ABCC4: variants seen among roughly 807,000 people sequenced by gnomAD.
ABCC4 encodes the protein ATP binding cassette subfamily C member 4 (PEL blood group).
ABCC4 carries 102 observed loss-of-function variants against 168.5 expected under a neutral mutation model. That is an observed-to-expected ratio of 0.61 (90% CI 0.52 to 0.71). ABCC4 has a LOEUF of 0.71. Among genes scored for constraint, ABCC4 ranks in the 30% least tolerant of loss-of-function variants. The pLI is 0.00. For synonymous variants in ABCC4, 617 were observed against 590.7 expected (o/e 1.04, Z -0.65); for missense variants, 1,402 against 1,605.8 (o/e 0.87, Z 2.17).
chr13:95,121,436 T>TG lies in ABCC4; in HGVS notation c.2456-5436_2456-5435insC, dbSNP rs544696926. Among the ~76,000 whole-genome samples the TG allele has an allele frequency of 5.7e-3, 869 of 151,344 alleles. 6 individuals are homozygous for TG. The highest frequency in any genetic ancestry group is 8.1e-3 in the Non-Finnish European group (551 of 67,816). On this transcript the variant is annotated intron_variant, in intron 19 of 30. Transcript: ENST00000645237. ...ACTTTATGGGGTTTTTTTTTGTTTT[T>TG]TTTTTTTTGAGAAAAGGTCTCACTC...
At chr13:95,280,812 G>A (rs981643777) in intron 1 of ABCC4, among the ~76,000 whole-genome samples, 1 of 151,988 alleles carries the variant, frequency 6.6e-6, no homozygotes, top group Non-Finnish European at 1.5e-5. Context: ...TATTTTCTGG[G>A]CAAACTTAGC....
intron 1 of ABCC4, among the ~76,000 whole-genome samples, chr13:95,257,458 A>G (rs944982705): frequency 2.0e-5 from 3 of 152,174 alleles, no homozygotes; most frequent in Non-Finnish European, 4.4e-5. Context: ...ACTTGGGGTC[A>G]GGAGTTCAAG....
intron 19 of ABCC4, among the ~76,000 whole-genome samples, chr13:95,153,784 T>C (rs1293575277): frequency 6.6e-6 from 1 of 152,178 alleles, no homozygotes; most frequent in Non-Finnish European, 1.5e-5. Context: ...ATTTACCAGC[T>C]GTAGACAAGT....
chr13:95,060,704 T>A (rs1324716236), intron 26 of ABCC4, among the ~76,000 whole-genome samples: 1 of 152,252 alleles, frequency 6.6e-6, no homozygotes, highest in Non-Finnish European at 1.5e-5. Context: ...AGGGATACTT[T>A]TTTTTCTTTA....
intron 20 of ABCC4, among the ~76,000 whole-genome samples, chr13:95,115,280 T>G (rs923921321): frequency 6.6e-6 from 1 of 151,282 alleles, no homozygotes; most frequent in Non-Finnish European, 1.5e-5. Context: ...TTGGTTTTTT[T>G]TTTTTAAAGA....
chr13:95,277,634 C>G (rs4771910), intron 1 of ABCC4, among the ~76,000 whole-genome samples: 2 of 150,808 alleles, frequency 1.3e-5, no homozygotes, highest in African/African-American at 2.4e-5. Context: ...TGAATGGGGG[C>G]GTTTACTCTA....
At chr13:95,105,233 G>A (rs1290781887) in intron 20 of ABCC4, among the ~76,000 whole-genome samples, 2 of 151,968 alleles carry the variant, frequency 1.3e-5, no homozygotes, top group Non-Finnish European at 2.9e-5. Flanking sequence ...ATCTAATGCC[G>A]CCGACGATCT....
intron 20 of ABCC4, among the ~76,000 whole-genome samples, chr13:95,111,622 C>A (rs2035208218): frequency 6.6e-6 from 1 of 152,100 alleles, no homozygotes; most frequent in Admixed American, 6.6e-5. Flanking sequence ...CAAATGACAC[C>A]CACTTTTAAG....
intron 1 of ABCC4, among the ~76,000 whole-genome samples, chr13:95,251,746 G>A (rs191586853): frequency 2.8e-3 from 428 of 152,274 alleles, no homozygotes; most frequent in Non-Finnish European, 4.8e-3. Flanking sequence ...GAAGGCTAAG[G>A]GCAGGTTGAA....
chr13:95,072,212 G>A (rs1204285357), intron 24 of ABCC4, among the ~76,000 whole-genome samples: 1 of 152,198 alleles, frequency 6.6e-6, no homozygotes, highest in Non-Finnish European at 1.5e-5. Flanking sequence ...TATAATCCCA[G>A]CACTTTGGGA....
At chr13:95,107,733 T>C (rs1189432) in intron 20 of ABCC4, among the ~76,000 whole-genome samples, 143,626 of 152,218 alleles carry the variant, frequency 0.94, 67,886 homozygotes, top group African/African-American at 0.97. Context: ...TCGAGACCAG[T>C]CTGGCCAACA....
intron 9 of ABCC4, among the ~76,000 whole-genome samples, chr13:95,193,384 C>G (rs954030982): frequency 2.0e-5 from 3 of 152,242 alleles, no homozygotes; most frequent in African/African-American, 7.2e-5. Flanking sequence ...CCCTCGCCCT[C>G]TGCTCCCAAA....
intron 27 of ABCC4, among the ~76,000 whole-genome samples, chr13:95,050,585 C>T (rs2032786296): frequency 6.6e-6 from 1 of 152,076 alleles, no homozygotes; most frequent in South Asian, 2.1e-4. Flanking sequence ...CAATGTTGTA[C>T]CCTAATTTTT....
chr13:95,074,846 T>C (rs1053613683), intron 22 of ABCC4, among the ~76,000 whole-genome samples: 9 of 152,200 alleles, frequency 5.9e-5, no homozygotes, highest in East Asian at 3.9e-4. Context: ...CCTTTTAGCA[T>C]GTGGTTTTTA....
Position 95,171,560 on chromosome 13 carries a change from A to G in ABCC4, c.1728-932T>C, listed in dbSNP as rs1410770932. 1.6e-4 allele frequency among the ~76,000 whole-genome samples: 23 copies of G among 146,688 alleles called. No homozygotes were observed. In the Admixed American group the frequency reaches 1.6e-3, roughly 10 times the overall value. On this transcript the variant is annotated intron_variant, in intron 13 of 30. Transcript: ENST00000645237. Reference sequence around the variant, plus strand: ...GACAGAGTAAGACCCTGTCTCAAAAAGAAAAAAAGGAGAAAAAAAAAAAAG... The same window carrying G: ...GACAGAGTAAGACCCTGTCTCAAAAGGAAAAAAAGGAGAAAAAAAAAAAAG...
chr13:95,210,911 C>A (rs895736453), intron 4 of ABCC4, 130 bp from the exon 5 acceptor site: 10 of 601,866 alleles, frequency 1.7e-5, no homozygotes, highest in South Asian at 4.4e-5. Flanking sequence ...CCCCACCCCC[C>A]CACTGCCCCC....
At chr13:95,125,622 T>C (rs544675565) in intron 19 of ABCC4, among the ~76,000 whole-genome samples, 30 of 152,300 alleles carry the variant, frequency 2.0e-4, no homozygotes, top group South Asian at 1.0e-3. Flanking sequence ...CAGTTCTACC[T>C]CATCCCAGAC....
intron 11 of ABCC4, among the ~76,000 whole-genome samples, chr13:95,184,793 C>T (rs144009737): frequency 2.6e-5 from 4 of 152,084 alleles, no homozygotes; most frequent in South Asian, 2.1e-4. Context: ...AATGGCGTAC[C>T]ATCTTTCCTA....
chr13:95,099,118 C>T (rs967525446), intron 20 of ABCC4, among the ~76,000 whole-genome samples: 2 of 152,046 alleles, frequency 1.3e-5, no homozygotes, highest in Admixed American at 6.6e-5. Flanking sequence ...ATTCAAATAC[C>T]CATCAATCAG....
Sources: gnomAD v4.1 joint callset for allele counts (sites outside exome capture counted in the v4.1 genomes callset) on GRCh38, gnomAD v4.1.1 for gene constraint, MANE v1.5 for transcripts, NCBI Gene and HGNC (gene_info 2026-07-23, HGNC 2026-07-21) for gene names.